Variants in ATXN1 observed in about 807,000 individuals in gnomAD.
ATXN1 encodes the protein ataxin-1.
In ATXN1, 8 loss-of-function variants were observed where a neutral mutation model predicts 56.4. The ratio of observed to expected loss-of-function variants is 0.14; its 90% CI spans 0.08 to 0.26. The LOEUF (loss-of-function observed/expected upper bound fraction) is 0.26, where lower values mean the gene tolerates loss of function less well. ATXN1 is among the 10% of genes least tolerant of loss of function. The pLI, the probability that ATXN1 is intolerant of heterozygous loss-of-function variation, is 1.00. For synonymous variants in ATXN1, 514 were observed against 494.6 expected, an observed-to-expected ratio of 1.04 and a Z score of -0.52; for missense variants, 987 against 1,106.5, an observed-to-expected ratio of 0.89 and a Z score of 1.53.
intron 6 of ATXN1, among the ~76,000 whole-genome samples, chr6:16,346,604 T>A (rs1381215389): frequency 6.6e-6 from 1 of 152,258 alleles, no homozygotes; most frequent in African/African-American, 2.4e-5. Context: ...CCGGGCTAAC[T>A]GGCATTTGAT....
intron 3 of ATXN1, among the ~76,000 whole-genome samples, chr6:16,645,383 C>G (rs759408080): frequency 6.6e-6 from 1 of 152,210 alleles, no homozygotes; most frequent in Non-Finnish European, 1.5e-5. Context: ...TGAAAATAAT[C>G]TATTTCCATT....
chr6:16,693,117 G>C (rs1393080585), intron 2 of ATXN1, among the ~76,000 whole-genome samples: 1 of 152,184 alleles, frequency 6.6e-6, no homozygotes, highest in Non-Finnish European at 1.5e-5. Flanking sequence ...AGTACCAGAA[G>C]AACTGATATC....
chr6:16,390,707 C>A (rs887311366), intron 6 of ATXN1, among the ~76,000 whole-genome samples: 2 of 151,584 alleles, frequency 1.3e-5, no homozygotes, highest in African/African-American at 4.9e-5. Flanking sequence ...CACACACACA[C>A]GCATGCACAC....
chr6:16,613,121 C>T (rs553548534), intron 3 of ATXN1, among the ~76,000 whole-genome samples: 38 of 148,342 alleles, frequency 2.6e-4, no homozygotes, highest in African/African-American at 8.6e-4. Context: ...AAAAATTAGC[C>T]GGGCGCGGTG....
chr6:16,343,035 CA>C (rs1303274645), intron 6 of ATXN1, among the ~76,000 whole-genome samples: 2 of 152,084 alleles, frequency 1.3e-5, no homozygotes, highest in African/African-American at 4.8e-5. Context: ...TGTCACCAGT[CA>C]AAAATTTTTA....
intron 6 of ATXN1, among the ~76,000 whole-genome samples, chr6:16,463,142 C>A (rs1760033653): frequency 6.6e-6 from 1 of 152,190 alleles, no homozygotes; most frequent in African/African-American, 2.4e-5. Context: ...CACCAGACTA[C>A]CTTGGCAAGT....
In ATXN1 at chr6:16,452,180, C is replaced by T. The variant is rs895732143; in HGVS notation, c.-161+33792G>A. Among the ~76,000 whole-genome samples the T allele has an allele frequency of 7.2e-5, 11 of 152,208 alleles. No homozygotes were observed. In the East Asian group the frequency reaches 1.4e-3, roughly 19 times the overall value. Reference sequence around the variant, plus strand: ...CCTGCAACTCGGTAGAAAAGAAACACGATGTTTGGTCAACTGAGCACCAGA... The same window carrying T: ...CCTGCAACTCGGTAGAAAAGAAACATGATGTTTGGTCAACTGAGCACCAGA... On this transcript the variant is annotated intron_variant, in intron 6 of 7. Coordinates refer to ENST00000436367, the MANE Select transcript of ATXN1 (RefSeq NM_001128164.2).
chr6:16,615,329 T>G (rs1275306422), intron 3 of ATXN1: 1 of 151,300 alleles, frequency 6.6e-6, no homozygotes, highest in Non-Finnish European at 1.5e-5. Flanking sequence ...ATCTTGAAAG[T>G]AGAGAGGAAA....
At chr6:16,323,107 A>G (rs1355959380) in intron 7 of ATXN1, among the ~76,000 whole-genome samples, 1 of 152,178 alleles carries the variant, frequency 6.6e-6, no homozygotes, top group African/African-American at 2.4e-5. Flanking sequence ...TATGGGAAAA[A>G]ACATGAGAAC....
chr6:16,388,221 T>C (rs1758280821), intron 6 of ATXN1, among the ~76,000 whole-genome samples: 1 of 152,196 alleles, frequency 6.6e-6, no homozygotes, highest in Non-Finnish European at 1.5e-5. Context: ...TCCCATGCAA[T>C]GCTGTCAGCT....
intron 1 of ATXN1, among the ~76,000 whole-genome samples, chr6:16,755,484 C>T (rs1760858954): frequency 6.6e-6 from 1 of 152,086 alleles, no homozygotes; most frequent in Non-Finnish European, 1.5e-5. Context: ...ACAAGAAAGA[C>T]GGCCTAAACA....
chr6:16,411,837 T>G (rs1758805998), intron 6 of ATXN1, among the ~76,000 whole-genome samples: 5 of 152,250 alleles, frequency 3.3e-5, no homozygotes, highest in Admixed American at 2.0e-4. Context: ...CATTATTTAA[T>G]TGATAAGATA....
At chr6:16,502,411 T>G (rs1027992310) in intron 5 of ATXN1, among the ~76,000 whole-genome samples, 4 of 152,202 alleles carry the variant, frequency 2.6e-5, no homozygotes, top group African/African-American at 9.7e-5. Flanking sequence ...TCAAGACATT[T>G]AAGAGAAAAT....
chr6:16,310,249 T>C (rs1760358680), intron 7 of ATXN1, among the ~76,000 whole-genome samples: 1 of 152,080 alleles, frequency 6.6e-6, no homozygotes, highest in African/African-American at 2.4e-5. Flanking sequence ...AGCAAAAAGA[T>C]CCTTCCAGAA....
intron 2 of ATXN1, among the ~76,000 whole-genome samples, chr6:16,708,365 A>G (rs1759450057): frequency 8.7e-6 from 1 of 114,372 alleles, no homozygotes; most frequent in Non-Finnish European, 1.8e-5. Flanking sequence ...GCAATTAAGG[A>G]AAAAAGGGAA....
intron 2 of ATXN1, among the ~76,000 whole-genome samples, chr6:16,712,708 G>A (rs553327821): frequency 1.2e-3 from 158 of 129,396 alleles, no homozygotes; most frequent in African/African-American, 4.7e-3. Flanking sequence ...ATATCCCTCC[G>A]TTTTTGCTTT....
chr6:16,416,561 A>AT (rs1167631144), intron 6 of ATXN1, among the ~76,000 whole-genome samples: 9 of 152,252 alleles, frequency 5.9e-5, no homozygotes. Flanking sequence ...CCTGGCCCAG[A>AT]TTAAGTATTC....
intron 2 of ATXN1, among the ~76,000 whole-genome samples, chr6:16,710,251 T>C (rs1449644607): frequency 1.3e-5 from 2 of 152,236 alleles, no homozygotes; most frequent in African/African-American, 2.4e-5. Flanking sequence ...ACCAAAGATA[T>C]GCAATGTCTC....
At chr6:16,526,576 C>A (rs1335146543) in intron 4 of ATXN1, among the ~76,000 whole-genome samples, 1 of 151,900 alleles carries the variant, frequency 6.6e-6, no homozygotes, top group East Asian at 1.9e-4. Context: ...ACCAGCCTGG[C>A]CAAAATGGTG....
Sources: allele counts gnomAD v4.1 joint callset (sites outside exome capture counted in the v4.1 genomes callset), GRCh38; gene constraint gnomAD v4.1.1; transcripts MANE v1.5; gene names NCBI Gene and HGNC (gene_info 2026-07-23, HGNC 2026-07-21).